Variants in DLGAP2 observed in about 807,000 individuals in gnomAD.
DLGAP2 encodes the protein disks large-associated protein 2.
Under a neutral mutation model 100.3 loss-of-function variants are expected in DLGAP2, and 26 were observed. The ratio of observed to expected loss-of-function variants is 0.26; its 90% CI spans 0.19 to 0.36. The LOEUF is 0.36. Among genes scored for constraint, DLGAP2 ranks in the 10% least tolerant of loss-of-function variants. DLGAP2 has a pLI of 1.00. For missense variants in DLGAP2, 1,858 were observed against 1,453.2 expected (o/e 1.28, Z -4.53); for synonymous variants, 886 against 630.1 (o/e 1.41, Z -6.08).
chr8:1,701,274 C>T lies in DLGAP2; in HGVS notation c.3036C>T (p.Pro1012=), dbSNP rs905097026. The T allele has an allele frequency of 6.9e-6, 11 of 1,583,006 alleles. No homozygotes were observed. The highest frequency in any genetic ancestry group is 1.4e-5 in the African/African-American group (1 of 74,020). The stretch of plus-strand genomic sequence containing the variant: ...CAAGAGAAAAATCCCTGGACCTGCC[C>T]GACAGACAACGCCAGGAAGCCCGGA... ...PITREKSLDL[P]DRQRQEARRR... is the part of the protein sequence containing the mutation. Residue 1012 remains proline, a synonymous_variant, in exon 15 of 15, where the codon CCC becomes CCT. Coordinates refer to ENST00000637795, the MANE Select transcript of DLGAP2 (RefSeq NM_001346810.2).
rs1584890843 is a variant in DLGAP2 at position 920,931 on chromosome 8, C to G, written c.73+12965C>G. The stretch of plus-strand genomic sequence containing the variant: ...TTGGCAGGATGAGCTGAATCCTGGT[C>G]CTCACCCCACTTTCCCTCGTTTTTG... On this transcript the variant is annotated intron_variant, in intron 2 of 14. Coordinates refer to ENST00000637795, the MANE Select transcript of DLGAP2 (RefSeq NM_001346810.2). 2.0e-5 allele frequency among the ~76,000 whole-genome samples: 3 copies of G among 152,248 alleles called. No individual in the cohort carries two copies. The East Asian group carries it at 5.8e-4, about 29-fold the overall frequency.
intron 2 of DLGAP2, among the ~76,000 whole-genome samples, chr8:979,358 A>G (rs1490517199): frequency 6.6e-6 from 1 of 152,202 alleles, no homozygotes; most frequent in Non-Finnish European, 1.5e-5. Context: ...CACAAGGGAG[A>G]AATTGAGTAG....
intron 3 of DLGAP2, among the ~76,000 whole-genome samples, chr8:1,377,551 T>TAAATA (rs529047266): frequency 6.6e-6 from 1 of 151,588 alleles, no homozygotes; most frequent in Non-Finnish European, 1.5e-5. Context: ...CTCAAAAAAA[T>TAAATA]AAATAAAATA....
chr8:1,368,731 T>C (rs1802168442), intron 3 of DLGAP2: 1 of 152,226 alleles, frequency 6.6e-6, no homozygotes, highest in Non-Finnish European at 1.5e-5. Context: ...GCTGGTGATC[T>C]AATAATTCAT....
intron 6 of DLGAP2, among the ~76,000 whole-genome samples, chr8:1,615,586 T>C (rs552635362): frequency 6.6e-6 from 1 of 151,782 alleles, no homozygotes; most frequent in African/African-American, 2.4e-5. Flanking sequence ...CATTGTAAGG[T>C]CTTATGAATG....
chr8:1,209,934 C>T, intron 2 of DLGAP2, among the ~76,000 whole-genome samples: 1 of 152,204 alleles, frequency 6.6e-6, no homozygotes, highest in Non-Finnish European at 1.5e-5. Flanking sequence ...CGGTGCTTGA[C>T]CACTTTCAAC....
At chr8:1,285,007 G>A (rs911935490) in intron 3 of DLGAP2, among the ~76,000 whole-genome samples, 6 of 152,174 alleles carry the variant, frequency 3.9e-5, no homozygotes, top group Non-Finnish European at 5.9e-5. Flanking sequence ...CCTGCATCCC[G>A]ATTTATTTCC....
intron 2 of DLGAP2, among the ~76,000 whole-genome samples, chr8:942,082 G>A (rs1288378610): frequency 6.6e-6 from 1 of 152,124 alleles, no homozygotes; most frequent in African/African-American, 2.4e-5. Flanking sequence ...CTCTGGCCTC[G>A]AGTCACTGGG....
At chr8:812,074 A>ATG (rs2132671965) in intron 1 of DLGAP2, among the ~76,000 whole-genome samples, 1 of 152,272 alleles carries the variant, frequency 6.6e-6, no homozygotes, top group South Asian at 2.1e-4. Context: ...GATCAGTAGG[A>ATG]TGTGTGTGCT....
At position 1,549,410 on chromosome 8, in the gene DLGAP2, C is replaced by T. The variant is rs182739926; in HGVS notation, c.957C>T (p.His319=). The T allele has an allele frequency of 1.9e-6, 3 of 1,613,472 alleles. No homozygotes were observed. In the East Asian group the frequency reaches 6.7e-5, roughly 36 times the overall value. Residue 319 remains histidine, a synonymous_variant, in exon 5 of 15, where the codon CAC becomes CAT. Transcript: ENST00000637795. ...CGCCCAGCGTGCTCAACCGGCACCA[C>T]CTGGGCCCCGTGGCCCACTGCTACC... ...YRTPSVLNRH[H]LGPVAHCYPD...
At chr8:1,058,141 G>T (rs1802939010) in intron 2 of DLGAP2, among the ~76,000 whole-genome samples, 1 of 152,128 alleles carries the variant, frequency 6.6e-6, no homozygotes, top group South Asian at 2.1e-4. Context: ...AGGGGGCTTG[G>T]CTGGATTGAC....
intron 3 of DLGAP2, among the ~76,000 whole-genome samples, chr8:1,308,759 G>C (rs953904978): frequency 1.3e-5 from 2 of 152,118 alleles, no homozygotes; most frequent in Non-Finnish European, 2.9e-5. Context: ...TCCCGACCTC[G>C]GATGATCTGC....
chr8:1,431,129 G>A (rs553926780), intron 3 of DLGAP2, among the ~76,000 whole-genome samples: 1 of 152,326 alleles, frequency 6.6e-6, no homozygotes, highest in East Asian at 1.9e-4. Flanking sequence ...ACAACCCAGT[G>A]TACAGAGAAC....
chr8:1,360,232 G>A (rs1021450009), intron 3 of DLGAP2, among the ~76,000 whole-genome samples: 17 of 142,848 alleles, frequency 1.2e-4, no homozygotes, highest in Admixed American at 4.9e-4. Context: ...GGGCTTCTCC[G>A]GGGCGGGGCT....
At chr8:1,176,579 C>G (rs190088500) in intron 2 of DLGAP2, among the ~76,000 whole-genome samples, 4 of 124,828 alleles carry the variant, frequency 3.2e-5, no homozygotes, top group Non-Finnish European at 6.8e-5. Context: ...TCAGGTCCCA[C>G]CCATCTCAAT....
In DLGAP2 at chr8:1,020,367, A is replaced by G. The variant is rs530824765; in HGVS notation, c.73+112401A>G. 1.5e-4 allele frequency among the ~76,000 whole-genome samples: 23 copies of G among 152,294 alleles called. No homozygotes were observed. The East Asian group carries it at 1.7e-3, about 12-fold the overall frequency. On this transcript the variant is annotated intron_variant, in intron 2 of 14. Coordinates refer to ENST00000637795, the MANE Select transcript of DLGAP2 (RefSeq NM_001346810.2). ...GCTTAAGGACAGATTATTTTATTCA[A>G]TGGTTCTGGTTGATTCCTATCTCTA...
intron 5 of DLGAP2, among the ~76,000 whole-genome samples, chr8:1,552,036 T>C (rs954986858): frequency 6.6e-6 from 1 of 152,254 alleles, no homozygotes; most frequent in East Asian, 1.9e-4. Flanking sequence ...TTGGTCTGAT[T>C]GTGTCTGTCA....
chr8:1,418,492 C>A (rs2129922651), intron 3 of DLGAP2, among the ~76,000 whole-genome samples: 1 of 152,224 alleles, frequency 6.6e-6, no homozygotes, highest in South Asian at 2.1e-4. Context: ...CTCTTTTAAC[C>A]CCAAACCCAC....
intron 2 of DLGAP2, among the ~76,000 whole-genome samples, chr8:1,249,894 T>G (rs1042819778): frequency 1.3e-5 from 2 of 152,138 alleles, no homozygotes; most frequent in Non-Finnish European, 2.9e-5. Context: ...TATTTTCTTT[T>G]TTTTGAGAGA....
Sources: allele counts gnomAD v4.1 joint callset (sites outside exome capture counted in the v4.1 genomes callset), GRCh38; gene constraint gnomAD v4.1.1; transcripts MANE v1.5; gene names NCBI Gene and HGNC (gene_info 2026-07-23, HGNC 2026-07-21).